The following SYT14 variants were observed in gnomAD, a reference collection of about 807,000 sequenced individuals.
SYT14 encodes the protein synaptotagmin 14.
SYT14 carries 32 observed loss-of-function variants against 74.2 expected under a neutral mutation model. That is an observed-to-expected ratio of 0.43 (90% CI 0.33 to 0.58). The LOEUF (loss-of-function observed/expected upper bound fraction) is 0.58, where lower values mean the gene tolerates loss of function less well. Ranked by LOEUF, SYT14 falls within the 20% of genes least tolerant of loss-of-function variation. The probability of loss-of-function intolerance (pLI) is 0.05; values close to 1 mark genes in which losing one functional copy is unlikely to be tolerated. For synonymous variants in SYT14, 298 were observed against 337.7 expected (o/e 0.88, Z 1.29); for missense variants, 791 against 981.8 (o/e 0.81, Z 2.60).
exon 10 of SYT14, chr1:210,164,160 A>G (rs1198295691): frequency 1.4e-5 from 6 of 424,588 alleles, no homozygotes; most frequent in Non-Finnish European, 2.4e-5. Context: ...GCTTTCTTCT[A>G]TATTCTTGTG....
In SYT14 at chr1:210,165,252, A is replaced by G. The variant is rs551007115; in HGVS notation, c.*4210A>G. 3 of 152,252 alleles carry G rather than the reference A, an allele frequency of 2.0e-5. No individual in the cohort carries two copies. The South Asian group carries it at 6.2e-4, about 32-fold the overall frequency. The allele number at this position is 152,252 out of a possible 1,614,324, so 9.4% of individuals were successfully genotyped here. On this transcript the variant is annotated 3_prime_UTR_variant, in exon 10 of 10. Coordinates refer to ENST00000637265, the Ensembl canonical transcript of SYT14. ...TGAAAAAAAAACTACTTAGGACATT[A>G]TATTTATCAATAATCCCACTCACCT... is the stretch of plus-strand genomic sequence containing the variant.
At chr1:210,072,132 G>GATATATATATATATAT (rs34290398) in intron 5 of SYT14, among the ~76,000 whole-genome samples, 3 of 146,270 alleles carry the variant, frequency 2.1e-5, no homozygotes, top group South Asian at 4.3e-4. Flanking sequence ...GTTAATTAAA[G>GATATATATATATATAT]ATATATATAT....
chr1:210,094,227 TG>T, intron 5 of SYT14, 94 bp from the exon 5 acceptor site: 1 of 1,532,602 alleles, frequency 6.5e-7, no homozygotes, highest in Non-Finnish European at 9.0e-7. Context: ...ATCAATTTTT[TG>T]ATCCAGTTTT....
chr1:210,020,465 A>T (rs2080278585), intron 4 of SYT14, among the ~76,000 whole-genome samples: 1 of 152,166 alleles, frequency 6.6e-6, no homozygotes, highest in Non-Finnish European at 1.5e-5. Flanking sequence ...ATTTTGCCAA[A>T]TTGCTCTCTA....
At chr1:210,118,291 T>C (rs2082396961) in intron 7 of SYT14, among the ~76,000 whole-genome samples, 1 of 152,192 alleles carries the variant, frequency 6.6e-6, no homozygotes, top group Non-Finnish European at 1.5e-5. Context: ...GAGACAACAT[T>C]CAAATTCTAA....
Position 209,959,904 on chromosome 1 carries a change from G to A in SYT14, c.-486+7148G>A, listed in dbSNP as rs1206125169. On this transcript the variant is annotated intron_variant, in intron 2 of 9. Coordinates refer to ENST00000637265, the Ensembl canonical transcript of SYT14. ...CACTGAATTATGCACTTTGGTGAAT[G>A]TTGTGGCATATGTGTTTTATCTCAA... Among the ~76,000 whole-genome samples the A allele has an allele frequency of 2.6e-5, 4 of 152,132 alleles. No individual in the cohort carries two copies. In the East Asian group the frequency reaches 7.7e-4, roughly 29 times the overall value.
chr1:209,965,826 C>T, intron 2 of SYT14: 5 of 420,998 alleles, frequency 1.2e-5, no homozygotes, highest in Non-Finnish European at 1.9e-5. Flanking sequence ...TGCCTTTATC[C>T]TTTTGTATCA....
chr1:209,971,360 A>G (rs144391436), intron 2 of SYT14, among the ~76,000 whole-genome samples: 81 of 151,922 alleles, frequency 5.3e-4, no homozygotes, highest in African/African-American at 1.9e-3. Context: ...TTTGTCCTAT[A>G]GGGATACCTT....
chr1:209,974,511 CGGGTG>C (rs535159812), intron 2 of SYT14, among the ~76,000 whole-genome samples: 231 of 152,214 alleles, frequency 1.5e-3, no homozygotes, highest in Non-Finnish European at 3.0e-3. Context: ...TGTCAAAGAT[CGGGTG>C]GTTGTAGATA....
intron 7 of SYT14, among the ~76,000 whole-genome samples, chr1:210,119,718 G>C (rs569063640): frequency 6.6e-6 from 1 of 152,148 alleles, no homozygotes; most frequent in Non-Finnish European, 1.5e-5. Context: ...CAAGTACCAC[G>C]TGTTTGTATT....
chr1:210,028,566 C>T (rs2080463352), intron 5 of SYT14, among the ~76,000 whole-genome samples: 1 of 152,124 alleles, frequency 6.6e-6, no homozygotes. Flanking sequence ...AGCATAATGT[C>T]CCCAGTTTCG....
intron 5 of SYT14, among the ~76,000 whole-genome samples, chr1:210,040,317 A>G (rs2080760321): frequency 6.6e-6 from 1 of 152,114 alleles, no homozygotes; most frequent in African/African-American, 2.4e-5. Flanking sequence ...GAGTTAAACA[A>G]TGAGAACACA....
intron 6 of SYT14, 86 bp from the exon 6 acceptor site, chr1:210,099,926 C>A: frequency 2.3e-6 from 3 of 1,299,696 alleles, no homozygotes; most frequent in Non-Finnish European, 3.2e-6. Context: ...GTTTTCACAT[C>A]TTCTAAAGAA....
exon 10 of SYT14, chr1:210,161,795 G>T (rs1243101815): frequency 4.4e-6 from 2 of 453,680 alleles, no homozygotes; most frequent in Non-Finnish European, 8.8e-6. Context: ...GTAGAACTAC[G>T]TAACTTTCTG....
chr1:210,129,063 T>G (rs535111162), intron 7 of SYT14, among the ~76,000 whole-genome samples: 1 of 152,192 alleles, frequency 6.6e-6, no homozygotes, highest in South Asian at 2.1e-4. Flanking sequence ...AATGAAATTA[T>G]AGTAAAAATA....
intron 7 of SYT14, among the ~76,000 whole-genome samples, chr1:210,105,700 A>G (rs113855812): frequency 2.3e-4 from 35 of 152,252 alleles, no homozygotes; most frequent in South Asian, 1.2e-3. Context: ...GTAATCCCCA[A>G]TGTTGGAGGT....
intron 5 of SYT14, among the ~76,000 whole-genome samples, chr1:210,030,654 G>A (rs2080511131): frequency 6.6e-6 from 1 of 152,034 alleles, no homozygotes; most frequent in Admixed American, 6.6e-5. Flanking sequence ...GGCATGCTTG[G>A]CTTTTCCTTG....
chr1:209,938,351 A>C (rs1294448236), intron 1 of SYT14, 74 bp downstream of exon 1: 2 of 1,456,572 alleles, frequency 1.4e-6, no homozygotes, highest in Admixed American at 4.2e-5. Flanking sequence ...GTGCGCCGGC[A>C]GGCCGAGGCG....
intron 5 of SYT14, among the ~76,000 whole-genome samples, chr1:210,078,380 G>A (rs1258368196): frequency 6.6e-6 from 1 of 150,832 alleles, no homozygotes; most frequent in Non-Finnish European, 1.5e-5. Context: ...GACAGGGTTG[G>A]TACAGTGATT....
Sources: gnomAD v4.1 joint callset for allele counts (sites outside exome capture counted in the v4.1 genomes callset) on GRCh38, gnomAD v4.1.1 for gene constraint, MANE v1.5 for transcripts, NCBI Gene and HGNC (gene_info 2026-07-23, HGNC 2026-07-21) for gene names.